The following ZNF365 variants were observed in gnomAD, a reference collection of about 807,000 sequenced individuals.
ZNF365 encodes the protein protein ZNF365.
A neutral mutation model predicts 35.0 loss-of-function variants in ZNF365; 22 were observed. That is an observed-to-expected ratio of 0.63 (90% CI 0.45 to 0.90). The LOEUF (loss-of-function observed/expected upper bound fraction) is 0.90, where lower values mean the gene tolerates loss of function less well. Among genes scored for constraint, ZNF365 ranks in the 40% least tolerant of loss-of-function variants. The pLI is 0.00. For synonymous variants in ZNF365, 188 were observed against 196.2 expected, an observed-to-expected ratio of 0.96 and a Z score of 0.35; for missense variants, 448 against 500.3, an observed-to-expected ratio of 0.90 and a Z score of 1.00.
At chr10:62,395,215 G>A (rs958953211) in intron 3 of ZNF365, among the ~76,000 whole-genome samples, 4 of 152,094 alleles carry the variant, frequency 2.6e-5, no homozygotes, top group African/African-American at 4.8e-5. Context: ...CAGATACCCT[G>A]GGCAGATTTG....
chr10:62,456,844 G>GCACA (rs57620397), intron 3 of ZNF365, among the ~76,000 whole-genome samples: 1 of 151,172 alleles, frequency 6.6e-6, no homozygotes, highest in Non-Finnish European at 1.5e-5. Context: ...GCGCACACAT[G>GCACA]CACACACACA....
chr10:62,420,489 G>C (rs1218769680), intron 3 of ZNF365, among the ~76,000 whole-genome samples: 1 of 152,140 alleles, frequency 6.6e-6, no homozygotes, highest in Non-Finnish European at 1.5e-5. Context: ...GATTTTCTCT[G>C]TCTTAACTCA....
At chr10:62,452,803 A>G (rs1239602237) in intron 3 of ZNF365, among the ~76,000 whole-genome samples, 1 of 152,242 alleles carries the variant, frequency 6.6e-6, no homozygotes, top group East Asian at 1.9e-4. Context: ...AGCACTGGTC[A>G]TGTTAGTAGA....
At chr10:62,454,332 G>C (rs1425351793) in intron 3 of ZNF365, among the ~76,000 whole-genome samples, 1 of 152,178 alleles carries the variant, frequency 6.6e-6, no homozygotes, top group Non-Finnish European at 1.5e-5. Context: ...TTCCCAAACT[G>C]TGTGCCAAGG....
intron 3 of ZNF365, among the ~76,000 whole-genome samples, chr10:62,433,523 T>C (rs1279114240): frequency 6.6e-6 from 1 of 152,148 alleles, no homozygotes; most frequent in Non-Finnish European, 1.5e-5. Context: ...TTGCTTTTAG[T>C]TCCTGATGAT....
rs1839823679 is a variant in ZNF365 at position 62,401,257 on chromosome 10, T to A, written c.*1468T>A. On this transcript the variant is annotated 3_prime_UTR_variant, in exon 5 of 5. Coordinates refer to ENST00000395254, the MANE Select transcript of ZNF365 (RefSeq NM_014951.3). ...TTTTTAAACTATATATGTTTGTTCA[T>A]GTAAACTGAATTCTCTTATTTAAAA... is the stretch of plus-strand genomic sequence containing the variant. 1.0e-6 allele frequency: 1 copy of A among 985,450 alleles called. No individual in the cohort carries two copies. The highest frequency in any genetic ancestry group is 4.7e-5 in the South Asian group (1 of 21,286). The allele number at this position is 985,450 out of a possible 1,614,324, so 61.0% of individuals were successfully genotyped here.
At chr10:62,434,172 G>T (rs1474112881) in intron 3 of ZNF365, among the ~76,000 whole-genome samples, 1 of 152,168 alleles carries the variant, frequency 6.6e-6, no homozygotes, top group East Asian at 1.9e-4. Context: ...CAGCACCTTG[G>T]GTGATTTTTT....
Position 62,399,568 on chromosome 10 carries a change from C to A in ZNF365, c.1003C>A (p.Leu335Ile), listed in dbSNP as rs1245619204. The change falls in exon 5 of 5, where the codon CTC becomes ATC. Residue 335 changes from leucine to isoleucine, a missense_variant. Leu to Ile is a conservative substitution (Grantham distance 5). Coordinates refer to ENST00000395254, the MANE Select transcript of ZNF365 (RefSeq NM_014951.3). ...GCATTCGGTATGTAACCACCCTGAT[C>A]TCAAGGCCCATTTCCACCCAAAGGG... ...HPHSVCNHPD[L>I]KAHFHPKGRN... The A allele has an allele frequency of 5.0e-6, 8 of 1,614,116 alleles. No individual in the cohort carries two copies. The highest frequency in any genetic ancestry group is 6.8e-6 in the Non-Finnish European group (8 of 1,180,012).
chr10:62,445,737 C>T (rs76103883), intron 3 of ZNF365, among the ~76,000 whole-genome samples: 2,868 of 152,196 alleles, frequency 0.019, 72 homozygotes, highest in African/African-American at 0.065. Context: ...GTTTTCGCTA[C>T]AAAAAAGAAT....
intron 2 of ZNF365, among the ~76,000 whole-genome samples, chr10:62,384,169 G>T (rs1177082386): frequency 1.3e-5 from 2 of 150,238 alleles, no homozygotes; most frequent in African/African-American, 4.9e-5. Flanking sequence ...CTTAGAACCA[G>T]TTAAATTTCC....
At chr10:62,399,482 T>G in intron 4 of ZNF365, 46 bp from the exon 5 acceptor site, 1 of 1,593,384 alleles carries the variant, frequency 6.3e-7, no homozygotes. Flanking sequence ...AAGAAATCTT[T>G]CTTTCTGCTC....
chr10:62,400,749 A>G lies in ZNF365; in HGVS notation c.*960A>G, dbSNP rs1019953256. On this transcript the variant is annotated 3_prime_UTR_variant, in exon 5 of 5. Transcript: ENST00000395254. ...GGCCCTCTCTCTCTCTGCTATGGGC[A>G]TGACTTTCTCTTCGCTGGCTTAACT... 49 of 985,504 alleles carry G rather than the reference A, an allele frequency of 5.0e-5. No homozygotes were observed. The highest frequency in any genetic ancestry group is 5.5e-5 in the Non-Finnish European group (46 of 830,054). 61.0% of individuals were successfully genotyped at this position (985,504 alleles called of 1,614,324 possible).
At chr10:62,446,987 A>G (rs1360129166) in intron 3 of ZNF365, among the ~76,000 whole-genome samples, 1 of 152,188 alleles carries the variant, frequency 6.6e-6, no homozygotes, top group East Asian at 1.9e-4. Context: ...ACCCGGCTTC[A>G]TTTAGCAAAC....
chr10:62,387,946 A>G (rs1873689), intron 2 of ZNF365, among the ~76,000 whole-genome samples: 146,338 of 152,208 alleles, frequency 0.96, 70,613 homozygotes, highest in East Asian at 1. Context: ...GGTCCTACCT[A>G]GCTCCCTCCT....
chr10:62,415,105 T>C (rs535498173), intron 3 of ZNF365, among the ~76,000 whole-genome samples: 9 of 152,114 alleles, frequency 5.9e-5, no homozygotes, highest in Non-Finnish European at 1.2e-4. Flanking sequence ...ACATATTAAT[T>C]ACAGTAAAAG....
At chr10:62,378,264 G>T (rs552554212) in intron 2 of ZNF365, among the ~76,000 whole-genome samples, 2 of 152,154 alleles carry the variant, frequency 1.3e-5, no homozygotes, top group African/African-American at 2.4e-5. Context: ...TACTCTATGC[G>T]TAAAGAAAGG....
intron 2 of ZNF365, among the ~76,000 whole-genome samples, chr10:62,382,250 G>A (rs1304760589): frequency 6.6e-6 from 1 of 152,206 alleles, no homozygotes; most frequent in Non-Finnish European, 1.5e-5. Flanking sequence ...ACTAAGCAAT[G>A]TAGTGTCCAG....
intron 4 of ZNF365, among the ~76,000 whole-genome samples, chr10:62,460,929 A>G (rs1840837292): frequency 6.6e-6 from 1 of 152,148 alleles, no homozygotes; most frequent in Non-Finnish European, 1.5e-5. Flanking sequence ...GAGTGTTGGA[A>G]CCTGTGAGAG....
intron 3 of ZNF365, among the ~76,000 whole-genome samples, chr10:62,413,278 T>C (rs1476221426): frequency 1.3e-5 from 2 of 152,100 alleles, no homozygotes; most frequent in African/African-American, 4.8e-5. Flanking sequence ...AATAAAGGAA[T>C]TGTCAGGCTA....
Sources: allele counts gnomAD v4.1 joint callset (sites outside exome capture counted in the v4.1 genomes callset), GRCh38; gene constraint gnomAD v4.1.1; transcripts MANE v1.5; gene names NCBI Gene and HGNC (gene_info 2026-07-23, HGNC 2026-07-21).